The following RFFL variants were observed in gnomAD, a reference collection of about 807,000 sequenced individuals.
RFFL encodes ring finger and FYVE like domain containing E3 ubiquitin protein ligase.
In RFFL, 16 loss-of-function variants were observed where a neutral mutation model predicts 40.4. The observed-to-expected ratio is 0.40, with a 90% confidence interval of 0.27 to 0.60. The LOEUF (loss-of-function observed/expected upper bound fraction) is 0.60, where lower values mean the gene tolerates loss of function less well. Ranked by LOEUF, RFFL falls within the 20% of genes least tolerant of loss-of-function variation. The probability of loss-of-function intolerance (pLI) is 0.47; values close to 1 mark genes in which losing one functional copy is unlikely to be tolerated. For synonymous variants in RFFL, 154 were observed against 167.9 expected (o/e 0.92, Z 0.64); for missense variants, 367 against 451.7 (o/e 0.81, Z 1.70).
At chr17:35,018,545 C>G (rs2090988686) in intron 3 of RFFL, 1 of 152,222 alleles carries the variant, frequency 6.6e-6, no homozygotes, top group South Asian at 2.1e-4. Context: ...TCTGAGCTCA[C>G]AGGCCTTTTC....
At chr17:35,075,237 C>A (rs2091370124) in intron 1 of RFFL, among the ~76,000 whole-genome samples, 1 of 152,172 alleles carries the variant, frequency 6.6e-6, no homozygotes, top group Non-Finnish European at 1.5e-5. Context: ...GGGGCTGCTA[C>A]AACATTTCCA....
chr17:35,068,486 C>T (rs2091331804), upstream of RFFL, among the ~76,000 whole-genome samples: 1 of 152,250 alleles, frequency 6.6e-6, no homozygotes, highest in South Asian at 2.1e-4. Context: ...GCATGAGGCT[C>T]AACCTGCTTC....
At chr17:35,087,692 T>C (rs1399286503) in intron 1 of RFFL, among the ~76,000 whole-genome samples, 3 of 152,238 alleles carry the variant, frequency 2.0e-5, no homozygotes, top group African/African-American at 7.2e-5. Context: ...CACATCAATC[T>C]GCAATTGTTA....
intron 2 of RFFL, among the ~76,000 whole-genome samples, chr17:35,023,219 C>T (rs2091020414): frequency 6.6e-6 from 1 of 152,130 alleles, no homozygotes; most frequent in South Asian, 2.1e-4. Flanking sequence ...GATATTCAAG[C>T]TAAAAAAGAA....
At chr17:35,054,751 C>G (rs1207530048) in intron 1 of RFFL, among the ~76,000 whole-genome samples, 3 of 152,132 alleles carry the variant, frequency 2.0e-5, no homozygotes, top group African/African-American at 4.8e-5. Context: ...CTGGGTCAGA[C>G]AGAACTCATA....
chr17:35,078,613 T>G (rs1398591609), intron 1 of RFFL, among the ~76,000 whole-genome samples: 1 of 152,192 alleles, frequency 6.6e-6, no homozygotes. Flanking sequence ...AGAAAATACA[T>G]TCTAATATGC....
intron 1 of RFFL, among the ~76,000 whole-genome samples, chr17:35,088,375 T>C (rs7211949): frequency 5.9e-5 from 9 of 152,208 alleles, no homozygotes; most frequent in African/African-American, 1.9e-4. Context: ...GAAAATGATA[T>C]GCTGTTGTTT....
intron 1 of RFFL, among the ~76,000 whole-genome samples, chr17:35,029,878 T>C (rs2091071083): frequency 7.1e-6 from 1 of 140,336 alleles, no homozygotes; most frequent in Admixed American, 7.3e-5. Context: ...AGTATGATGT[T>C]CCCCTTCCTG....
At chr17:35,023,053 G>A (rs1337953557) in intron 2 of RFFL, among the ~76,000 whole-genome samples, 1 of 152,238 alleles carries the variant, frequency 6.6e-6, no homozygotes, top group East Asian at 1.9e-4. Context: ...CCAAGAGCAT[G>A]TCACATCCCC....
At position 35,009,212 on chromosome 17, in the gene RFFL, A is replaced by G. The variant is rs73284966; in HGVS notation, c.*2756T>C. 136 of 152,768 alleles carry G rather than the reference A, an allele frequency of 8.9e-4. No homozygotes were observed. Among genetic ancestry groups the G allele is most frequent in the African/African-American group, 3.1e-3 (130 of 41,576 alleles). The allele number at this position is 152,768 out of a possible 1,614,324, so 9.5% of individuals were successfully genotyped here. On this transcript the variant is annotated 3_prime_UTR_variant, in exon 7 of 7. Coordinates refer to ENST00000394597, the MANE Select transcript of RFFL (RefSeq NM_001017368.2). ...TTTAACCTCCAAGTAAGTCTGAGAA[A>G]ATCTTAATAAAAGCCACTTGAAGTA...
intron 1 of RFFL, among the ~76,000 whole-genome samples, chr17:35,050,857 A>G (rs2091228010): frequency 6.6e-6 from 1 of 152,150 alleles, no homozygotes; most frequent in Non-Finnish European, 1.5e-5. Context: ...CTATAATCCC[A>G]ACTACTCTGG....
intron 4 of RFFL, among the ~76,000 whole-genome samples, chr17:35,017,002 G>A (rs537393853): frequency 1.1e-4 from 16 of 152,164 alleles, no homozygotes; most frequent in South Asian, 4.1e-4. Flanking sequence ...TCCTGTAGAG[G>A]TTAAATATGG....
At chr17:35,077,432 A>G (rs568549871) in intron 1 of RFFL, among the ~76,000 whole-genome samples, 2 of 152,366 alleles carry the variant, frequency 1.3e-5, no homozygotes, top group South Asian at 4.1e-4. Flanking sequence ...CTAGTGCTTG[A>G]CATTGCTGTG....
chr17:35,016,648 C>T (rs1417062725), intron 4 of RFFL, 68 bp from the exon 5 acceptor site: 5 of 1,280,032 alleles, frequency 3.9e-6, no homozygotes, highest in Non-Finnish European at 4.5e-6. Flanking sequence ...CCAAGGACCC[C>T]AAAGCAGTCA....
chr17:35,065,500 C>T (rs533714400), upstream of RFFL, among the ~76,000 whole-genome samples: 12 of 146,162 alleles, frequency 8.2e-5, 1 homozygote, highest in African/African-American at 2.8e-4. Context: ...AGGTTGCAGT[C>T]AGCCAAGATT....
At chr17:35,068,348 A>G (rs146631253), upstream of RFFL, among the ~76,000 whole-genome samples, 4 of 152,366 alleles carry the variant, frequency 2.6e-5, no homozygotes, top group African/African-American at 9.6e-5. Flanking sequence ...GCTGTATAAA[A>G]TGGCCTCTCC....
intron 1 of RFFL, among the ~76,000 whole-genome samples, chr17:35,041,563 G>A (rs749682795): frequency 4.0e-5 from 6 of 149,232 alleles, no homozygotes; most frequent in Non-Finnish European, 8.8e-5. Context: ...AGCCATAGTG[G>A]GCTGGTGTGT....
At chr17:35,014,864 G>C in intron 5 of RFFL, 101 bp from the exon 6 acceptor site, 2 of 1,199,062 alleles carry the variant, frequency 1.7e-6, no homozygotes, top group South Asian at 2.5e-5. Context: ...ACCACTCCCT[G>C]CTGGGAACCA....
chr17:35,027,355 C>T (rs745376288), intron 1 of RFFL, among the ~76,000 whole-genome samples: 17 of 152,136 alleles, frequency 1.1e-4, no homozygotes, highest in Non-Finnish European at 1.9e-4. Flanking sequence ...AGTACTGTTC[C>T]CTAGCACTGT....
Sources: allele counts gnomAD v4.1 joint callset (sites outside exome capture counted in the v4.1 genomes callset), GRCh38; gene constraint gnomAD v4.1.1; transcripts MANE v1.5; gene names NCBI Gene and HGNC (gene_info 2026-07-23, HGNC 2026-07-21).